FBXL2: variants seen among roughly 807,000 people sequenced by gnomAD.
FBXL2 encodes the protein F-box and leucine rich repeat protein 2.
FBXL2 carries 38 observed loss-of-function variants against 69.2 expected under a neutral mutation model. The ratio of observed to expected loss-of-function variants is 0.55; its 90% CI spans 0.42 to 0.72. FBXL2 has a LOEUF of 0.72. Among genes scored for constraint, FBXL2 ranks in the 30% least tolerant of loss-of-function variants. FBXL2 has a pLI of 0.00. For missense variants in FBXL2, 354 were observed against 520.3 expected (o/e 0.68, Z 3.11); for synonymous variants, 192 against 201.3 (o/e 0.95, Z 0.39).
intron 2 of FBXL2, among the ~76,000 whole-genome samples, chr3:33,347,155 A>C (rs1182662747): frequency 2.0e-5 from 3 of 151,834 alleles, no homozygotes; most frequent in Non-Finnish European, 4.4e-5. Context: ...CCATTCTTCT[A>C]CTCTCTACCC....
intron 1 of FBXL2, among the ~76,000 whole-genome samples, chr3:33,287,909 A>T (rs754688175): frequency 2.6e-5 from 4 of 152,180 alleles, no homozygotes; most frequent in Non-Finnish European, 5.9e-5. Flanking sequence ...AGCTGTTGTC[A>T]TGTTGTCTAA....
downstream of FBXL2, chr3:33,393,060 T>C (rs2043832325): frequency 2.4e-6 from 1 of 411,464 alleles, no homozygotes; most frequent in African/African-American, 2.1e-5. Flanking sequence ...ATCCCTAGAG[T>C]GCCCCAGTGA....
chr3:33,374,966 A>C (rs1162296423), intron 9 of FBXL2, among the ~76,000 whole-genome samples: 1 of 152,160 alleles, frequency 6.6e-6, no homozygotes, highest in Non-Finnish European at 1.5e-5. Flanking sequence ...TGAGTTTATA[A>C]ATTTTATGAA....
chr3:33,337,813 G>A (rs2125845883), intron 2 of FBXL2, among the ~76,000 whole-genome samples: 1 of 152,194 alleles, frequency 6.6e-6, no homozygotes. Context: ...CATTTCTGTA[G>A]ACCAATAACG....
At chr3:33,393,462 TAA>T (rs754581679) in intron 12 of FBXL2, 2,079 of 1,312,974 alleles carry the variant, frequency 1.6e-3, no homozygotes, top group South Asian at 3.3e-3. Context: ...AAACTGAAAT[TAA>T]AAAAAAAAAA....
intron 2 of FBXL2, among the ~76,000 whole-genome samples, chr3:33,309,802 C>A (rs568246054): frequency 1.1e-4 from 16 of 152,220 alleles, no homozygotes; most frequent in Non-Finnish European, 1.9e-4. Flanking sequence ...TGCTTTGTAG[C>A]TACCACAAGG....
Position 33,373,487 on chromosome 3 carries a change from C to T in FBXL2, c.456-91C>T, listed in dbSNP as rs572785565. The stretch of plus-strand genomic sequence containing the variant: ...GAGGTCCCAGGCATGGTCTCCCCTT[C>T]GGAATTTCTTGTGATGTACTAAACT... On this transcript the variant is annotated intron_variant, in intron 7 of 14. Transcript: ENST00000484457. The T allele has an allele frequency of 5.0e-5, 80 of 1,585,866 alleles. No homozygotes were observed. In the African/African-American group the frequency reaches 8.5e-4, roughly 17 times the overall value.
chr3:33,335,100 C>T (rs1417851508), intron 2 of FBXL2, among the ~76,000 whole-genome samples: 1 of 147,808 alleles, frequency 6.8e-6, no homozygotes, highest in Non-Finnish European at 1.5e-5. Flanking sequence ...GACCTTGTCT[C>T]AAATAATAAT....
At chr3:33,279,169 T>G (rs892707753) in intron 1 of FBXL2, among the ~76,000 whole-genome samples, 3 of 152,220 alleles carry the variant, frequency 2.0e-5, no homozygotes, top group African/African-American at 7.2e-5. Flanking sequence ...AGGAGCTTAA[T>G]TGATTGATAA....
chr3:33,322,324 C>T (rs2038303678), intron 2 of FBXL2, among the ~76,000 whole-genome samples: 1 of 151,794 alleles, frequency 6.6e-6, no homozygotes, highest in Admixed American at 6.6e-5. Flanking sequence ...GTGATCTGCC[C>T]ACCTCGGCCT....
chr3:33,361,623 C>T (rs1209634169), intron 4 of FBXL2, among the ~76,000 whole-genome samples: 1 of 152,184 alleles, frequency 6.6e-6, no homozygotes, highest in Non-Finnish European at 1.5e-5. Flanking sequence ...CAGCTAACTG[C>T]CATATAAACA....
intron 1 of FBXL2, among the ~76,000 whole-genome samples, chr3:33,292,003 G>A (rs1056322631): frequency 6.6e-6 from 1 of 152,126 alleles, no homozygotes; most frequent in Non-Finnish European, 1.5e-5. Flanking sequence ...TAAGAAAGTT[G>A]ATGTTGCTAT....
At chr3:33,348,086 A>G (rs1187854078) in intron 2 of FBXL2, among the ~76,000 whole-genome samples, 1 of 152,168 alleles carries the variant, frequency 6.6e-6, no homozygotes, top group Non-Finnish European at 1.5e-5. Flanking sequence ...ATTACTCAAG[A>G]AATGTTTGCC....
At chr3:33,330,524 T>C (rs2039064424) in intron 2 of FBXL2, among the ~76,000 whole-genome samples, 1 of 151,982 alleles carries the variant, frequency 6.6e-6, no homozygotes, top group African/African-American at 2.4e-5. Context: ...ATAAAGAAAA[T>C]ATAAATATTT....
At chr3:33,290,782 G>C (rs945422344) in intron 1 of FBXL2, among the ~76,000 whole-genome samples, 1 of 152,070 alleles carries the variant, frequency 6.6e-6, no homozygotes, top group Non-Finnish European at 1.5e-5. Context: ...AGTCTGAACT[G>C]AGGTACATCA....
Position 33,387,276 on chromosome 3 carries a change from T to G in FBXL2, c.*1668T>G, listed in dbSNP as rs527678065. Reference sequence around the variant, plus strand: ...TGAGCATATAACAGACTTGCTTCAGTGATTATGAATTAGTTTAGTTTCTAT... The same window carrying G: ...TGAGCATATAACAGACTTGCTTCAGGGATTATGAATTAGTTTAGTTTCTAT... On this transcript the variant is annotated 3_prime_UTR_variant, in exon 15 of 15. Transcript: ENST00000484457. 58 of 152,210 alleles carry G rather than the reference T, an allele frequency of 3.8e-4. No individual in the cohort carries two copies. The highest frequency in any genetic ancestry group is 1.2e-3 in the African/African-American group (48 of 41,522). 9.4% of individuals were successfully genotyped at this position (152,210 alleles called of 1,614,324 possible).
the FBXL2 span, among the ~76,000 whole-genome samples, chr3:33,412,416 C>T: frequency 9.2e-3 from 1,391 of 151,794 alleles, 17 homozygotes; most frequent in African/African-American, 0.031. Context: ...TAGAAAACAA[C>T]TCTCAAGACA....
chr3:33,412,618 CAA>C, the FBXL2 span: 1 of 778,968 alleles, frequency 1.3e-6, no homozygotes, highest in Non-Finnish European at 2.1e-6. Flanking sequence ...CCACAAACAC[CAA>C]AACTTTCCCC....
the FBXL2 span, chr3:33,411,583 G>A: frequency 6.2e-7 from 1 of 1,613,862 alleles, no homozygotes; most frequent in Non-Finnish European, 8.5e-7. Context: ...ATCCAAACCT[G>A]AATGAAAGCA....
Sources: allele counts gnomAD v4.1 joint callset (sites outside exome capture counted in the v4.1 genomes callset), GRCh38; gene constraint gnomAD v4.1.1; transcripts MANE v1.5; gene names NCBI Gene and HGNC (gene_info 2026-07-23, HGNC 2026-07-21).